Variants in FXYD3 observed in about 807,000 individuals in gnomAD.
FXYD3 encodes the protein FXYD domain containing ion transport regulator 3, also known as FXYD domain-containing ion transport regulator 3.
FXYD3 carries 13 observed loss-of-function variants against 19.2 expected under a neutral mutation model. That is an observed-to-expected ratio of 0.68 (90% confidence interval 0.44 to 1.08). The LOEUF is 1.08. FXYD3 is among the 50% of genes least tolerant of loss of function. The pLI is 0.00. For synonymous variants in FXYD3, 48 were observed against 38.9 expected, an observed-to-expected ratio of 1.23 and a Z score of -0.87; for missense variants, 101 against 109.4, an observed-to-expected ratio of 0.92 and a Z score of 0.34.
rs1282046687 is a variant in FXYD3 at position 35,120,983 on chromosome 19, C to A, written c.41-95C>A. The A allele has an allele frequency of 6.5e-6, 9 of 1,382,522 alleles. No individual in the cohort carries two copies. In the East Asian group the frequency reaches 1.6e-4, roughly 25 times the overall value. The allele number at this position is 1,382,522 out of a possible 1,614,324, so 85.6% of individuals were successfully genotyped here. ...CAGGACCCCTGTCCCGCAGGAGACC[C>A]TTTCCCAAGGCCCCTGAAACTCCCC... On this transcript the variant is annotated intron_variant, in intron 3 of 8. Coordinates refer to ENST00000604404, the MANE Select transcript of FXYD3 (RefSeq NM_005971.4).
rs537643250 is a variant in FXYD3, at chr19:35,117,402, C to G, written c.-15+1043C>G. 56 of 1,458,402 alleles carry G rather than the reference C, an allele frequency of 3.8e-5. 1 individual carries two copies. The South Asian group carries it at 8.1e-4, about 21-fold the overall frequency. 90.3% of individuals were successfully genotyped at this position (1,458,402 alleles called of 1,614,324 possible). ...AGGTGAGACTCAACAGCCATGGCGA[C>G]AGAGCATAGGGCTTTAAGATGAATT... is the stretch of plus-strand genomic sequence containing the variant. On this transcript the variant is annotated intron_variant, in intron 2 of 8. Coordinates refer to ENST00000604404, the MANE Select transcript of FXYD3 (RefSeq NM_005971.4).
intron 2 of FXYD3, 79 bp downstream of exon 2, chr19:35,116,438 C>T (rs2064887134): frequency 1.0e-6 from 1 of 985,430 alleles, no homozygotes; most frequent in South Asian, 4.7e-5. Context: ...GCCCCCTGAC[C>T]CTGCCCCATA....
At chr19:35,122,887 C>T in intron 6 of FXYD3, 31 bp from the exon 7 acceptor site, 1 of 1,613,588 alleles carries the variant, frequency 6.2e-7, no homozygotes, top group Non-Finnish European at 8.5e-7. Flanking sequence ...CTGGGGCTCC[C>T]CTCCCCTGAC....
chr19:35,116,402 G>A (rs1289914278), intron 2 of FXYD3, 43 bp downstream of exon 2: 1 of 982,410 alleles, frequency 1.0e-6, no homozygotes, highest in South Asian at 4.7e-5. Flanking sequence ...CCTTGTCTCT[G>A]CCCCTAAATT....
intron 2 of FXYD3, chr19:35,116,981 C>T (rs1410641741): frequency 1.0e-5 from 10 of 985,108 alleles, no homozygotes; most frequent in African/African-American, 5.2e-5. Flanking sequence ...AGACCATTCT[C>T]CCATGGTATG....
intron 2 of FXYD3, 116 bp from the exon 3 acceptor site, chr19:35,119,247 C>A (rs753887316): frequency 6.2e-7 from 1 of 1,612,022 alleles, no homozygotes; most frequent in South Asian, 1.1e-5. Context: ...GCCTTCCTGT[C>A]CCGGGTGAGC....
intron 2 of FXYD3, chr19:35,118,681 G>A: frequency 3.3e-6 from 2 of 607,944 alleles, no homozygotes; most frequent in Non-Finnish European, 4.2e-6. Context: ...TGGGATGAGG[G>A]GCAGGAGGTT....
At chr19:35,121,689 G>C (rs908561854) in intron 5 of FXYD3, 1 of 327,254 alleles carries the variant, frequency 3.1e-6, no homozygotes, top group Non-Finnish European at 4.9e-6. Context: ...CATACTGCCA[G>C]CCTCAGACCT....
chr19:35,122,378 C>A (rs932693463), intron 5 of FXYD3, among the ~76,000 whole-genome samples: 1 of 152,192 alleles, frequency 6.6e-6, no homozygotes, highest in Non-Finnish European at 1.5e-5. Flanking sequence ...TGGTCTGGAA[C>A]TCCTGACCTC....
Position 35,116,283 on chromosome 19 carries a change from G to A in FXYD3, c.-91G>A. ...GCCCAGGTTTGCTTAGGGCGTGGCA[G>A]CTTCGGATAAACGCAGGACTCCGCC... On this transcript the variant is annotated 5_prime_UTR_variant, in exon 2 of 9. Transcript: ENST00000604404. The A allele has an allele frequency of 1.0e-6, 1 of 985,468 alleles. No individual in the cohort carries two copies. The highest frequency in any genetic ancestry group is 1.2e-6 in the Non-Finnish European group (1 of 829,972). 61.0% of individuals were successfully genotyped at this position (985,468 alleles called of 1,614,324 possible).
intron 2 of FXYD3, chr19:35,117,217 T>G: frequency 4.2e-6 from 6 of 1,435,860 alleles, no homozygotes; most frequent in Non-Finnish European, 5.5e-6. Context: ...CCCGGCTCCC[T>G]GCAGCCTCCG....
intron 3 of FXYD3, 99 bp from the exon 4 acceptor site, chr19:35,120,979 G>A (rs1223850550): frequency 6.2e-6 from 8 of 1,289,890 alleles, no homozygotes; most frequent in Non-Finnish European, 8.8e-6. Context: ...TCCCGCAGGA[G>A]ACCCTTTCCC....
intron 2 of FXYD3, chr19:35,117,080 G>A (rs2064906594): frequency 1.0e-6 from 1 of 985,230 alleles, no homozygotes; most frequent in Non-Finnish European, 1.2e-6. Flanking sequence ...ATGAGAGCAG[G>A]TAGACAGAGC....
At chr19:35,117,439 C>T in intron 2 of FXYD3, 1 of 1,340,738 alleles carries the variant, frequency 7.5e-7, no homozygotes, top group Non-Finnish European at 9.8e-7. Context: ...GCAGGGGTTA[C>T]AGGATTACAA....
In FXYD3 at chr19:35,115,955, G is replaced by A. The variant is rs1028003319; in HGVS notation, c.-115G>A. On this transcript the variant is annotated 5_prime_UTR_variant, in exon 1 of 9. In the 5' UTR this introduces an upstream ATG that the reference lacks. Transcript: ENST00000604404. ...AAAACACATCATCTAAGGAAAAGAA[G>A]TGAGGTCGGAACACCAACGCATCAT... 6.6e-6 allele frequency: 1 copy of A among 152,342 alleles called. No homozygotes were observed. The highest frequency in any genetic ancestry group is 2.4e-5 in the African/African-American group (1 of 41,450). 9.4% of individuals were successfully genotyped at this position (152,342 alleles called of 1,614,324 possible). A position where few individuals can be genotyped will look rare whatever the true frequency, so the allele number is the denominator to read the frequency against.
chr19:35,122,412 C>T (rs1011857940), intron 5 of FXYD3, among the ~76,000 whole-genome samples: 1 of 152,236 alleles, frequency 6.6e-6, no homozygotes, highest in Non-Finnish European at 1.5e-5. Context: ...ACCTTGGCCT[C>T]CCAAAGTGCT....
At chr19:35,120,261 T>C (rs1053910021) in intron 3 of FXYD3, among the ~76,000 whole-genome samples, 1 of 151,918 alleles carries the variant, frequency 6.6e-6, no homozygotes, top group African/African-American at 2.4e-5. Context: ...TGCCTCAGCC[T>C]CCCAAGTAGC....
At chr19:35,123,221 G>A (rs1326738523) in intron 7 of FXYD3, 50 bp from the exon 8 acceptor site, 3 of 1,546,700 alleles carry the variant, frequency 1.9e-6, no homozygotes, top group Non-Finnish European at 1.7e-6. Context: ...TATCCGGAGG[G>A]AGAGGGCAAA....
chr19:35,122,758 C>G lies in FXYD3; in HGVS notation c.98-7C>G. The G allele has an allele frequency of 6.2e-7, 1 of 1,612,096 alleles. No individual in the cohort carries two copies. The highest frequency in any genetic ancestry group is 8.5e-7 in the Non-Finnish European group (1 of 1,179,186). ...TGGCACTGAGGTCCCCTCCACTTTC[C>G]TCCTAGACTGGCACAGCCTCCAGGT... On this transcript the variant is annotated splice_region_variant and splice_polypyrimidine_tract_variant and intron_variant, in intron 5 of 8. Transcript: ENST00000604404.
Sources: gnomAD v4.1 joint callset for allele counts (sites outside exome capture counted in the v4.1 genomes callset) on GRCh38, gnomAD v4.1.1 for gene constraint, MANE v1.5 for transcripts, NCBI Gene and HGNC (gene_info 2026-07-23, HGNC 2026-07-21) for gene names.